The following UBE2E1 variants were observed in gnomAD, a reference collection of about 807,000 sequenced individuals.
The protein encoded by UBE2E1 is ubiquitin conjugating enzyme E2 E1.
A neutral mutation model predicts 21.4 loss-of-function variants in UBE2E1; 6 were observed. That is an observed-to-expected ratio of 0.28 (90% confidence interval 0.15 to 0.55). The LOEUF is 0.55. Among genes scored for constraint, UBE2E1 ranks in the 20% least tolerant of loss-of-function variants. UBE2E1 has a pLI of 0.93. For missense variants in UBE2E1, 142 were observed against 236.5 expected, an observed-to-expected ratio of 0.60 and a Z score of 2.62; for synonymous variants, 87 against 82.7, an observed-to-expected ratio of 1.05 and a Z score of -0.28.
Position 23,890,755 on chromosome 3 carries a change from T to A in UBE2E1, c.*149T>A. ...AGTCTTATTTCCTAAGATTTTGTTG[T>A]AACTTAAGGTATCTTGCTACAGTAG... On this transcript the variant is annotated 3_prime_UTR_variant, in exon 6 of 6. Coordinates refer to ENST00000306627, the MANE Select transcript of UBE2E1 (RefSeq NM_003341.5). 1 of 649,456 alleles carries A rather than the reference T, an allele frequency of 1.5e-6. No homozygotes were observed. The highest frequency in any genetic ancestry group is 2.4e-6 in the Non-Finnish European group (1 of 422,254). The allele number at this position is 649,456 out of a possible 1,614,324, so 40.2% of individuals were successfully genotyped here. A position where few individuals can be genotyped will look rare whatever the true frequency, so the allele number is the denominator to read the frequency against.
At chr3:23,815,221 G>A (rs866126855) in intron 3 of UBE2E1, among the ~76,000 whole-genome samples, 19 of 152,118 alleles carry the variant, frequency 1.2e-4, no homozygotes, top group African/African-American at 3.9e-4. Flanking sequence ...GCCTCAAGCC[G>A]TCCACCCACT....
chr3:23,860,694 T>C lies in UBE2E1; in HGVS notation c.204-26873T>C, dbSNP rs72627037. On this transcript the variant is annotated intron_variant, in intron 3 of 5. Transcript: ENST00000306627. ...TGTGTTTCTTTCCCATACACTTACC[T>C]CTTTATTTGCTATAAGCCATAAACA... Among the ~76,000 whole-genome samples, 651 of 152,344 alleles carry C rather than the reference T, an allele frequency of 4.3e-3. 16 individuals are homozygous for C. The East Asian group carries it at 0.049, about 12-fold the overall frequency.
intron 3 of UBE2E1, among the ~76,000 whole-genome samples, chr3:23,829,594 C>CA (rs1699826937): frequency 6.6e-6 from 1 of 152,146 alleles, no homozygotes; most frequent in South Asian, 2.1e-4. Context: ...CCTGAGCCCC[C>CA]ATACCTGCCC....
chr3:23,811,127 G>T (rs1040526122), intron 2 of UBE2E1: 4 of 355,768 alleles, frequency 1.1e-5, no homozygotes, highest in African/African-American at 8.1e-5. Flanking sequence ...AGAGGTGCAG[G>T]GGAGGGACTG....
At chr3:23,872,050 G>A (rs1444903071) in intron 3 of UBE2E1, among the ~76,000 whole-genome samples, 2 of 152,060 alleles carry the variant, frequency 1.3e-5, no homozygotes, top group African/African-American at 2.4e-5. Flanking sequence ...GTAGCCGGCC[G>A]AGATCACGCC....
At chr3:23,872,191 C>T (rs987144260) in intron 3 of UBE2E1, among the ~76,000 whole-genome samples, 11 of 152,152 alleles carry the variant, frequency 7.2e-5, no homozygotes, top group Non-Finnish European at 8.8e-5. Context: ...GCCAACACAG[C>T]GAAACCCCGT....
intron 3 of UBE2E1, among the ~76,000 whole-genome samples, chr3:23,833,287 A>G: frequency 6.6e-6 from 1 of 152,180 alleles, no homozygotes; most frequent in South Asian, 2.1e-4. Flanking sequence ...TGATTGGTAT[A>G]TGGTATGTGC....
At chr3:23,824,338 T>A (rs993566542) in intron 3 of UBE2E1, among the ~76,000 whole-genome samples, 26 of 152,132 alleles carry the variant, frequency 1.7e-4, no homozygotes, top group African/African-American at 5.1e-4. Flanking sequence ...GATAATGAAT[T>A]TGTGAAGAAA....
At chr3:23,843,215 T>C (rs577946692) in intron 3 of UBE2E1, among the ~76,000 whole-genome samples, 102 of 152,160 alleles carry the variant, frequency 6.7e-4, no homozygotes, top group Non-Finnish European at 1.4e-3. Flanking sequence ...ACCATTAGGT[T>C]ACCATAATAC....
intron 3 of UBE2E1, among the ~76,000 whole-genome samples, chr3:23,884,595 T>A (rs906489031): frequency 3.3e-5 from 5 of 152,016 alleles, no homozygotes; most frequent in Admixed American, 1.3e-4. Flanking sequence ...TAAACCTTTA[T>A]TTTTTTTGTA....
At chr3:23,817,158 A>C (rs1028809639) in intron 3 of UBE2E1, among the ~76,000 whole-genome samples, 18 of 152,212 alleles carry the variant, frequency 1.2e-4, no homozygotes, top group African/African-American at 4.3e-4. Flanking sequence ...ATGAAAAGGC[A>C]CAAGCTGGGC....
Position 23,890,493 on chromosome 3 carries a change from C to T in UBE2E1, c.485-16C>T. The T allele has an allele frequency of 6.2e-7, 1 of 1,607,286 alleles. No homozygotes were observed. Among genetic ancestry groups the T allele is most frequent in the Non-Finnish European group, 8.5e-7 (1 of 1,177,072 alleles). On this transcript the variant is annotated splice_polypyrimidine_tract_variant and intron_variant, in intron 5 of 5. Coordinates refer to ENST00000306627, the MANE Select transcript of UBE2E1 (RefSeq NM_003341.5). ...CTTTTCCTTTCTCCAAAGTAATCTA[C>T]ATTCTTTTCTTCCAGCCGACCCCTT...
rs1559482479 is a variant in UBE2E1 at position 23,842,248 on chromosome 3, TGG to T, written c.203+30739_203+30740del. Among the ~76,000 whole-genome samples, 483 of 112,040 alleles carry T rather than the reference TGG, an allele frequency of 4.3e-3. 3 individuals carry two copies. Among genetic ancestry groups the T allele is most frequent in the African/African-American group, 0.014 (369 of 25,950 alleles). The allele number at this position is 112,040 out of a possible 152,430, so 73.5% of individuals were successfully genotyped here. The stretch of plus-strand genomic sequence containing the variant: ...GTGTGTGTGTGTGTGTGTGTGTGTG[TGG>T]TGTTGTTGTTGTTGGCGACAGGGTC... On this transcript the variant is annotated intron_variant, in intron 3 of 5. Transcript: ENST00000306627. This position sits in a 1 kb window ranked among gnomAD's most constrained non-coding sequence, Gnocchi z 4.6.
At chr3:23,884,035 A>C (rs1701118942) in intron 3 of UBE2E1, among the ~76,000 whole-genome samples, 1 of 152,116 alleles carries the variant, frequency 6.6e-6, no homozygotes, top group East Asian at 1.9e-4. Flanking sequence ...CATTTTCTTC[A>C]GGGTCAACTA....
At chr3:23,813,076 G>A (rs1187818015) in intron 3 of UBE2E1, among the ~76,000 whole-genome samples, 2 of 151,872 alleles carry the variant, frequency 1.3e-5, no homozygotes, top group African/African-American at 4.8e-5. Context: ...TGCTCCTGAG[G>A]CATGTGGAAC....
intron 3 of UBE2E1, among the ~76,000 whole-genome samples, chr3:23,831,962 T>C (rs900640789): frequency 6.6e-6 from 1 of 152,196 alleles, no homozygotes; most frequent in Admixed American, 6.5e-5. Context: ...CGCCTCCGCC[T>C]CCCAAAGTGC....
At chr3:23,881,351 A>T (rs987081852) in intron 3 of UBE2E1, among the ~76,000 whole-genome samples, 9 of 152,232 alleles carry the variant, frequency 5.9e-5, no homozygotes, top group Non-Finnish European at 1.0e-4. Context: ...ATTTGCTTAT[A>T]TTTTGAAAAG....
At chr3:23,851,282 C>T (rs1700319733) in intron 3 of UBE2E1, among the ~76,000 whole-genome samples, 1 of 152,152 alleles carries the variant, frequency 6.6e-6, no homozygotes, top group South Asian at 2.1e-4. Flanking sequence ...ACTACGATGT[C>T]TTAATTTCTG....
intron 3 of UBE2E1, among the ~76,000 whole-genome samples, chr3:23,864,523 G>T (rs1700614529): frequency 6.6e-6 from 1 of 152,022 alleles, no homozygotes; most frequent in African/African-American, 2.4e-5. Flanking sequence ...TTGAGTTTTT[G>T]AAATCTTTTG....
Sources: allele counts gnomAD v4.1 joint callset (sites outside exome capture counted in the v4.1 genomes callset), GRCh38; gene constraint gnomAD v4.1.1; non-coding constraint Gnocchi (gnomAD v3.1); transcripts MANE v1.5; gene names NCBI Gene and HGNC (gene_info 2026-07-23, HGNC 2026-07-21).